Variants in NLRP5 observed in about 807,000 individuals in gnomAD.
NLRP5 encodes NLR family pyrin domain containing 5, also known as NACHT, LRR and PYD domains-containing protein 5.
A neutral mutation model predicts 113.1 loss-of-function variants in NLRP5; 93 were observed. The observed-to-expected ratio is 0.82, with a 90% CI of 0.70 to 0.98. The LOEUF (loss-of-function observed/expected upper bound fraction) is 0.98, where lower values mean the gene tolerates loss of function less well. Among genes scored for constraint, NLRP5 ranks in the 50% least tolerant of loss-of-function variants. The pLI, the probability that NLRP5 is intolerant of heterozygous loss-of-function variation, is 0.00. For synonymous variants in NLRP5, 751 were observed against 600.7 expected (o/e 1.25, Z -3.66); for missense variants, 1,808 against 1,514.3 (o/e 1.19, Z -3.22).
In NLRP5 at chr19:56,061,459, G is replaced by T. The variant is rs897567467; in HGVS notation, c.3534G>T (p.Lys1178Asn). 12 of 1,613,902 alleles carry T rather than the reference G, an allele frequency of 7.4e-6. No individual in the cohort carries two copies. The highest frequency in any genetic ancestry group is 9.3e-6 in the Non-Finnish European group (11 of 1,179,880). The change falls in exon 15 of 15, where the codon AAG (lysine) becomes AAT (asparagine). Residue 1178 changes from lysine (K) to asparagine (N), a missense_variant. Transcript: ENST00000390649. ...TGCTGGAGGAAGTGCAGCTACTCAA[G>T]CCCCGAGTCGTAATTGACGGTAGTT...
At chr19:56,031,093 C>T (rs531087006) in intron 7 of NLRP5, among the ~76,000 whole-genome samples, 26 of 118,556 alleles carry the variant, frequency 2.2e-4, no homozygotes, top group African/African-American at 6.6e-4. Context: ...CACTCAGACA[C>T]GTGGGAAGGT....
chr19:56,006,576 A>T (rs1981921365), intron 2 of NLRP5, among the ~76,000 whole-genome samples: 1 of 151,778 alleles, frequency 6.6e-6, no homozygotes, highest in Non-Finnish European at 1.5e-5. Flanking sequence ...TACTAAAAAT[A>T]CAAAAATTAG....
At chr19:56,020,541 A>G (rs454547) in intron 6 of NLRP5, 110 bp downstream of exon 6, 34 of 1,276,800 alleles carry the variant, frequency 2.7e-5, no homozygotes, top group African/African-American at 4.6e-5. Context: ...CCTTTCTTCA[A>G]TCTCATTTGT....
At chr19:55,997,118 G>C (rs961905970), upstream of NLRP5, among the ~76,000 whole-genome samples, 3 of 152,078 alleles carry the variant, frequency 2.0e-5, no homozygotes, top group Admixed American at 6.5e-5. Context: ...GTATCTGTTG[G>C]CTATATAAAT....
intron 1 of NLRP5, chr19:55,999,867 C>T (rs12462663): frequency 0.21 from 204,895 of 997,942 alleles, 22,465 homozygotes; most frequent in South Asian, 0.25. Flanking sequence ...AATCCCCTGC[C>T]CTCGCTGCTG....
chr19:55,999,654 G>T (rs1981548805), upstream of NLRP5: 8 of 1,126,694 alleles, frequency 7.1e-6, no homozygotes, highest in Non-Finnish European at 1.1e-5. Flanking sequence ...GAAGAGGCAG[G>T]TACTCTGATT....
chr19:56,053,482 CA>C (rs1984007937), intron 12 of NLRP5, among the ~76,000 whole-genome samples, 155 bp from the exon 13 acceptor site: 1 of 152,232 alleles, frequency 6.6e-6, no homozygotes, highest in Admixed American at 6.5e-5. Flanking sequence ...CTCAAGCCAA[CA>C]GATACCACGT....
At chr19:56,053,860 C>A in intron 13 of NLRP5, 52 bp downstream of exon 13, 1 of 1,564,206 alleles carries the variant, frequency 6.4e-7, no homozygotes, top group Non-Finnish European at 8.8e-7. Flanking sequence ...AGGTGGGGGA[C>A]CCCAGCATGA....
At chr19:55,997,431 T>C (rs1981359760), upstream of NLRP5, among the ~76,000 whole-genome samples, 1 of 152,180 alleles carries the variant, frequency 6.6e-6, no homozygotes, top group Non-Finnish European at 1.5e-5. Flanking sequence ...TGTGTGTCCT[T>C]TTCTGGTTTT....
chr19:56,011,366 G>A (rs962301986), intron 3 of NLRP5, among the ~76,000 whole-genome samples: 1 of 152,076 alleles, frequency 6.6e-6, no homozygotes, highest in African/African-American at 2.4e-5. Flanking sequence ...TGAGGACTAA[G>A]AGGGCAGGGT....
chr19:56,038,388 CA>C (rs1983398525), intron 10 of NLRP5, among the ~76,000 whole-genome samples, 193 bp downstream of exon 10: 1 of 152,148 alleles, frequency 6.6e-6, no homozygotes, highest in Admixed American at 6.5e-5. Flanking sequence ...TTCTTGCTCC[CA>C]AACTCTAAAT....
At chr19:56,006,450 G>A (rs1370764284) in intron 2 of NLRP5, among the ~76,000 whole-genome samples, 1 of 152,048 alleles carries the variant, frequency 6.6e-6, no homozygotes, top group Non-Finnish European at 1.5e-5. Context: ...GATGGTATAG[G>A]CCAGGTGGGT....
intron 11 of NLRP5, among the ~76,000 whole-genome samples, chr19:56,042,994 T>C (rs1232858351): frequency 6.6e-6 from 1 of 152,126 alleles, no homozygotes; most frequent in Admixed American, 6.6e-5. Context: ...TGTTTCTTTA[T>C]CCACTCATTG....
intron 7 of NLRP5, among the ~76,000 whole-genome samples, chr19:56,030,924 G>C (rs1250774535): frequency 6.6e-6 from 1 of 151,740 alleles, no homozygotes; most frequent in Non-Finnish European, 1.5e-5. Context: ...ATATTGGCCA[G>C]GCTGGTCTTG....
At position 56,041,004 on chromosome 19, in the gene NLRP5, T is replaced by C. The variant is rs1422610606; in HGVS notation, c.2869T>C (p.Cys957Arg). ...CAGCAACCGGAGCTTGACACACCTG[T>C]GCCTATCCAACAACAGCCTGGGGAA... The change falls in exon 11 of 15, where the codon TGC becomes CGC. Residue 957 changes from cysteine (C) to arginine (R), a missense_variant. Coordinates refer to ENST00000390649, the MANE Select transcript of NLRP5 (RefSeq NM_153447.4). 1.9e-6 allele frequency: 3 copies of C among 1,613,990 alleles called. No individual in the cohort carries two copies. The highest frequency in any genetic ancestry group is 1.7e-6 in the Non-Finnish European group (2 of 1,179,888).
intron 7 of NLRP5, among the ~76,000 whole-genome samples, chr19:56,029,707 C>T (rs1341846271): frequency 6.6e-6 from 1 of 151,962 alleles, no homozygotes. Flanking sequence ...GCTGGGTGGA[C>T]GAGGATTACT....
chr19:55,990,920 A>G, the NLRP5 span, among the ~76,000 whole-genome samples: 1 of 152,088 alleles, frequency 6.6e-6, no homozygotes, highest in East Asian at 1.9e-4. Flanking sequence ...GGAGACGGAG[A>G]TTGCAGTGAA....
In NLRP5 at chr19:56,050,567, C is replaced by T; in HGVS notation, c.3107C>T (p.Ser1036Phe). The change falls in exon 12 of 15, where the codon TCT becomes TTT. Residue 1036 changes from serine (S) to phenylalanine (F), a missense_variant. By Grantham distance (155) the Ser-to-Phe change is radical. Transcript: ENST00000390649. ...CTGTGCGAGGTCATGAGAGAACCAT[C>T]TTGTCATCTCCAGGACCTGGAGTGA... 6.2e-7 allele frequency: 1 copy of T among 1,613,834 alleles called. No homozygotes were observed. Among genetic ancestry groups the T allele is most frequent in the Non-Finnish European group, 8.5e-7 (1 of 1,179,782 alleles).
chr19:56,013,605 T>TTTTTTTTTTTTTTTTG (rs1982294036), intron 3 of NLRP5, among the ~76,000 whole-genome samples: 1 of 137,852 alleles, frequency 7.3e-6, no homozygotes. Flanking sequence ...GGTTTTTTTT[T>TTTTTTTTTTTTTTTTG]TTTTTTTTTT....
Sources: allele counts gnomAD v4.1 joint callset (sites outside exome capture counted in the v4.1 genomes callset), GRCh38; gene constraint gnomAD v4.1.1; transcripts MANE v1.5; gene names NCBI Gene and HGNC (gene_info 2026-07-23, HGNC 2026-07-21).